Variants in ADGRF1 observed in about 807,000 individuals in gnomAD.
ADGRF1 encodes the protein G protein-coupled receptor 110.
ADGRF1 carries 85 observed loss-of-function variants against 87.2 expected under a neutral mutation model. The observed-to-expected ratio is 0.97, with a 90% CI of 0.82 to 1.17. ADGRF1 has a LOEUF of 1.17. Ranked by LOEUF, ADGRF1 falls within the 50% of genes most tolerant of loss-of-function variation. The pLI, the probability that ADGRF1 is intolerant of heterozygous loss-of-function variation, is 0.00. For missense variants in ADGRF1, 1,169 were observed against 1,077.2 expected, an observed-to-expected ratio of 1.09 and a Z score of -1.19; for synonymous variants, 430 against 408.8, an observed-to-expected ratio of 1.05 and a Z score of -0.63.
intron 7 of ADGRF1, chr6:47,019,857 C>T: frequency 1.0e-6 from 1 of 984,856 alleles, no homozygotes. Flanking sequence ...AACTAAACAA[C>T]TTTTGGAATT....
chr6:47,032,977 C>T (rs969109745), intron 1 of ADGRF1, among the ~76,000 whole-genome samples: 2 of 152,336 alleles, frequency 1.3e-5, no homozygotes, highest in South Asian at 2.1e-4. Context: ...TCATAAATCC[C>T]TCTGAACTTC....
chr6:47,033,922 T>A (rs966669180), intron 1 of ADGRF1, among the ~76,000 whole-genome samples: 1 of 152,218 alleles, frequency 6.6e-6, no homozygotes, highest in African/African-American at 2.4e-5. Flanking sequence ...TGGTAAGTTA[T>A]ATGAGCGAGA....
chr6:47,001,655 G>T, intron 13 of ADGRF1, 88 bp from the exon 14 acceptor site: 3 of 1,006,922 alleles, frequency 3.0e-6, no homozygotes, highest in South Asian at 1.4e-5. Context: ...TGTTATTCAT[G>T]ATTCTTTATT....
intron 1 of ADGRF1, among the ~76,000 whole-genome samples, chr6:47,032,826 T>G (rs566805002): frequency 7.9e-5 from 12 of 152,308 alleles, no homozygotes; most frequent in Non-Finnish European, 1.3e-4. Flanking sequence ...TTGGGTTAAC[T>G]GATGGCCATC....
chr6:47,015,473 C>T (rs1348582666), intron 8 of ADGRF1, among the ~76,000 whole-genome samples: 1 of 151,834 alleles, frequency 6.6e-6, no homozygotes, highest in Non-Finnish European at 1.5e-5. Flanking sequence ...TGCAGTGGTG[C>T]AATCTTTGCT....
At chr6:47,029,594 C>T (rs937576184) in intron 1 of ADGRF1, among the ~76,000 whole-genome samples, 22 of 152,082 alleles carry the variant, frequency 1.4e-4, no homozygotes, top group Non-Finnish European at 2.4e-4. Context: ...AAAAAGATGT[C>T]CTCGAGTTTA....
At chr6:47,033,607 T>G (rs1027919437) in intron 1 of ADGRF1, among the ~76,000 whole-genome samples, 1 of 152,274 alleles carries the variant, frequency 6.6e-6, no homozygotes, top group Non-Finnish European at 1.5e-5. Context: ...CATGCGCCCA[T>G]GCGCACACAC....
rs945716875 is a variant in ADGRF1 at position 46,997,815 on chromosome 6, T to G, written c.*2407A>C. The stretch of plus-strand genomic sequence containing the variant: ...ACATACATGATATCTGATCAAACAT[T>G]TTTTTGTCTCTCATCATCCTCATAA... On this transcript the variant is annotated 3_prime_UTR_variant, in exon 15 of 15. Transcript: ENST00000371253. The G allele has an allele frequency of 1.3e-5, 2 of 152,124 alleles. No homozygotes were observed. Among genetic ancestry groups the G allele is most frequent in the African/African-American group, 4.8e-5 (2 of 41,406 alleles). The allele number at this position is 152,124 out of a possible 1,614,324, so 9.4% of individuals were successfully genotyped here.
chr6:47,039,369 C>G (rs1780673473), intron 1 of ADGRF1, among the ~76,000 whole-genome samples: 1 of 152,208 alleles, frequency 6.6e-6, no homozygotes, highest in African/African-American at 2.4e-5. Flanking sequence ...TATTTTAACT[C>G]TATGAAATGC....
intron 4 of ADGRF1, 99 bp from the exon 5 acceptor site, chr6:47,024,316 A>G (rs1780160958): frequency 1.2e-6 from 1 of 848,098 alleles, no homozygotes; most frequent in Admixed American, 2.8e-5. Flanking sequence ...TTTCAGATTA[A>G]CTTCCTACAT....
At chr6:47,036,374 G>C (rs966715434) in intron 1 of ADGRF1, among the ~76,000 whole-genome samples, 1 of 151,998 alleles carries the variant, frequency 6.6e-6, no homozygotes, top group South Asian at 2.1e-4. Context: ...AACTGCACAC[G>C]TACCCCCTGA....
At chr6:47,033,087 C>A (rs1446545014) in intron 1 of ADGRF1, among the ~76,000 whole-genome samples, 1 of 152,204 alleles carries the variant, frequency 6.6e-6, no homozygotes, top group African/African-American at 2.4e-5. Context: ...TGTGTCCTTG[C>A]CACAGATGAG....
chr6:47,014,623 G>T (rs1582155398), intron 9 of ADGRF1, 58 bp downstream of exon 9: 2 of 1,583,744 alleles, frequency 1.3e-6, no homozygotes, highest in East Asian at 4.5e-5. Flanking sequence ...TGCTCACTGG[G>T]ATATTGCCAC....
At chr6:47,026,145 T>A in intron 3 of ADGRF1, 142 bp from the exon 4 acceptor site, 1 of 653,000 alleles carries the variant, frequency 1.5e-6, no homozygotes, top group East Asian at 2.6e-5. Context: ...CATCCAAACA[T>A]GGACTAACAA....
chr6:47,013,116 T>C, intron 9 of ADGRF1: 2 of 985,428 alleles, frequency 2.0e-6, no homozygotes, highest in Non-Finnish European at 2.4e-6. Flanking sequence ...CCATCTACTT[T>C]TACTACACCA....
Position 47,014,719 on chromosome 6 carries a change from C to G in ADGRF1, c.889G>C (p.Glu297Gln). ...CESSGWQVIR[E>Q]TCVLSLLEEL... is the part of the protein sequence containing the mutation. ...TCAAGCAGAGAGAGCACACAAGTCT[C>G]CCTGATGACCTGCCACCCAGAGGAC... is the stretch of plus-strand genomic sequence containing the variant. The change falls in exon 9 of 15, where the codon GAG becomes CAG. Residue 297 changes from glutamate to glutamine, a missense_variant. Physicochemically the swap from Glu to Gln is conservative, Grantham distance 29. Transcript: ENST00000371253. The G allele has an allele frequency of 1.2e-6, 2 of 1,613,806 alleles. No individual in the cohort carries two copies. The highest frequency in any genetic ancestry group is 2.2e-5 in the South Asian group (2 of 91,066).
Position 47,030,947 on chromosome 6 carries a change from G to A in ADGRF1, c.-43-1843C>T, listed in dbSNP as rs146948674. Among the ~76,000 whole-genome samples, 227 of 152,108 alleles carry A rather than the reference G, an allele frequency of 1.5e-3. 2 individuals carry two copies. Among genetic ancestry groups the A allele is most frequent in the African/African-American group, 5.1e-3 (210 of 41,492 alleles). ...CTGGCTAATTTTTGTATTTTTAGTC[G>A]AGATGGGATGTCACCATGTTGGTCA... is the stretch of plus-strand genomic sequence containing the variant. On this transcript the variant is annotated intron_variant, in intron 1 of 14. Coordinates refer to ENST00000371253, the MANE Select transcript of ADGRF1 (RefSeq NM_153840.4).
intron 1 of ADGRF1, among the ~76,000 whole-genome samples, chr6:47,029,507 T>C (rs1780345938): frequency 1.3e-5 from 2 of 152,190 alleles, no homozygotes; most frequent in Non-Finnish European, 2.9e-5. Context: ...TACCAGGATA[T>C]AATTTGAGTG....
chr6:47,028,886 A>G (rs1031943643), intron 2 of ADGRF1, 107 bp downstream of exon 2: 2 of 834,844 alleles, frequency 2.4e-6, no homozygotes, highest in Non-Finnish European at 4.1e-6. Context: ...TCTCAAGTAC[A>G]TTAAATTATG....
Sources: allele counts gnomAD v4.1 joint callset (sites outside exome capture counted in the v4.1 genomes callset), GRCh38; gene constraint gnomAD v4.1.1; transcripts MANE v1.5; gene names NCBI Gene and HGNC (gene_info 2026-07-23, HGNC 2026-07-21).